The following CALCOCO2 variants were observed in gnomAD, a reference collection of about 807,000 sequenced individuals.
CALCOCO2 encodes calcium-binding and coiled-coil domain-containing protein 2.
A neutral mutation model predicts 62.5 loss-of-function variants in CALCOCO2; 42 were observed. That is an observed-to-expected ratio of 0.67 (90% CI 0.53 to 0.87). CALCOCO2 has a LOEUF of 0.87. CALCOCO2 is among the 40% of genes least tolerant of loss of function. The pLI is 0.00. For missense variants in CALCOCO2, 456 were observed against 515.0 expected, an observed-to-expected ratio of 0.89 and a Z score of 1.11; for synonymous variants, 167 against 173.0, an observed-to-expected ratio of 0.97 and a Z score of 0.27.
rs11408920 is a variant in CALCOCO2 at position 48,835,041 on chromosome 17, G to GCC, written c.-11+3969_-11+3970dup. 1.1e-3 allele frequency among the ~76,000 whole-genome samples: 168 copies of GCC among 151,590 alleles called. 2 individuals are homozygous for GCC. Among genetic ancestry groups the GCC allele is most frequent in the East Asian group, 3.9e-3 (20 of 5,138 alleles). On this transcript the variant is annotated intron_variant, in intron 1 of 12. Coordinates refer to ENST00000258947, the MANE Select transcript of CALCOCO2 (RefSeq NM_005831.5). ...AGCCTGGGTGACAGAGTGAGACCCTGCCCCCCCGCAAAAAAAATAATTCTC... is the reference window on the plus strand; with the variant it reads ...AGCCTGGGTGACAGAGTGAGACCCTGCCCCCCCCCGCAAAAAAAATAATTCTC...
chr17:48,835,208 C>T (rs181475336), intron 1 of CALCOCO2, among the ~76,000 whole-genome samples: 1 of 152,292 alleles, frequency 6.6e-6, no homozygotes, highest in African/African-American at 2.4e-5. Flanking sequence ...AGATTACTGA[C>T]CTGAAAACTC....
chr17:48,834,106 C>CAAA (rs59633969), intron 1 of CALCOCO2, among the ~76,000 whole-genome samples: 23 of 69,782 alleles, frequency 3.3e-4, no homozygotes, highest in Non-Finnish European at 4.7e-4. Context: ...GACCCTATGT[C>CAAA]AAAAAAAAAA....
At chr17:48,853,505 G>A (rs1024162111) in intron 9 of CALCOCO2, among the ~76,000 whole-genome samples, 2 of 152,176 alleles carry the variant, frequency 1.3e-5, no homozygotes, top group African/African-American at 4.8e-5. Context: ...GCGTTGACAG[G>A]TGCCTGGAAG....
rs764157879 is a variant in CALCOCO2 at position 48,852,942 on chromosome 17, A to G, written c.842A>G (p.Lys281Arg). The G allele has an allele frequency of 2.2e-5, 35 of 1,613,286 alleles. No individual in the cohort carries two copies. The highest frequency in any genetic ancestry group is 3.0e-5 in the Non-Finnish European group (35 of 1,179,222). The part of the protein sequence containing the change: ...SLTEQRKDQK[K>R]LEQTVEQMKQ... Reference sequence around the variant, plus strand: ...TTTGTGCAGAGGAAGGACCAGAAGAAGCTCGAGCAGACAGTGGAGCAAATG... The same window carrying G: ...TTTGTGCAGAGGAAGGACCAGAAGAGGCTCGAGCAGACAGTGGAGCAAATG... The change falls in exon 9 of 13, where the codon AAG becomes AGG. Residue 281 changes from lysine to arginine, a missense_variant. Transcript: ENST00000258947.
In CALCOCO2 at chr17:48,861,800, C is replaced by T. The variant is rs553749479; in HGVS notation, c.1145-476C>T. Among the ~76,000 whole-genome samples, 3 of 151,642 alleles carry T rather than the reference C, an allele frequency of 2.0e-5. No individual in the cohort carries two copies. In the East Asian group the frequency reaches 5.8e-4, roughly 29 times the overall value. ...TCGTGGCTCACTCCTGTAATCCCAGCACTTTGAGAGGCCGAGGCAGGCGGA... is the reference window on the plus strand; with the variant it reads ...TCGTGGCTCACTCCTGTAATCCCAGTACTTTGAGAGGCCGAGGCAGGCGGA... On this transcript the variant is annotated intron_variant, in intron 11 of 12. Coordinates refer to ENST00000258947, the MANE Select transcript of CALCOCO2 (RefSeq NM_005831.5).
intron 2 of CALCOCO2, among the ~76,000 whole-genome samples, chr17:48,847,206 C>T (rs577762184): frequency 1.3e-5 from 2 of 152,114 alleles, no homozygotes; most frequent in East Asian, 3.9e-4. Flanking sequence ...TCTCCCTCTG[C>T]CCCCAACACA....
At chr17:48,852,676 A>G in intron 8 of CALCOCO2, 48 bp downstream of exon 8, 2 of 1,564,992 alleles carry the variant, frequency 1.3e-6, no homozygotes, top group East Asian at 2.2e-5. Context: ...GCAAGAAAAT[A>G]TACGTTGTTC....
At chr17:48,858,017 T>TAGAAG (rs1463371527) in intron 10 of CALCOCO2, among the ~76,000 whole-genome samples, 3 of 15,566 alleles carry the variant, frequency 1.9e-4, no homozygotes, top group Non-Finnish European at 4.1e-4. Context: ...TAGAATAGAA[T>TAGAAG]AGAATAGAAT....
Position 48,862,985 on chromosome 17 carries a change from G to A in CALCOCO2, c.1321G>A (p.Val441Met), listed in dbSNP as rs781069382. ...ATEKQIFEDH[V>M]FCHSL ...AGAGAAGCAGATCTTTGAAGACCAC[G>A]TGTTCTGCCACTCTCTCTGAGTATC... The change falls in exon 13 of 13, where the codon GTG becomes ATG. Residue 441 changes from valine (V) to methionine (M), a missense_variant. Coordinates refer to ENST00000258947, the MANE Select transcript of CALCOCO2 (RefSeq NM_005831.5). The A allele has an allele frequency of 4.3e-6, 7 of 1,613,070 alleles. No individual in the cohort carries two copies. The highest frequency in any genetic ancestry group is 1.1e-5 in the South Asian group (1 of 91,072).
chr17:48,861,659 G>GTATA (rs367595425), intron 11 of CALCOCO2, among the ~76,000 whole-genome samples: 39,560 of 134,878 alleles, frequency 0.29, 6,272 homozygotes, highest in Admixed American at 0.41. Flanking sequence ...ATATGTGTGT[G>GTATA]TGTATATATA....
intron 1 of CALCOCO2, chr17:48,831,646 C>A (rs1046324719): frequency 6.6e-6 from 1 of 152,252 alleles, no homozygotes; most frequent in Non-Finnish European, 1.5e-5. Context: ...CGTGACCTGC[C>A]TCTACAGTTA....
At chr17:48,848,283 A>G in intron 3 of CALCOCO2, 39 bp from the exon 4 acceptor site, 1 of 1,603,242 alleles carries the variant, frequency 6.2e-7, no homozygotes, top group African/African-American at 1.3e-5. Context: ...TTTTCTGAAT[A>G]GATCTTATTT....
At position 48,849,271 on chromosome 17, in the gene CALCOCO2, A is replaced by C; in HGVS notation, c.437A>C (p.Glu146Ala). The part of the protein sequence containing the change: ...VTTQGEVEEI[E>A]QHNKELCKEN... ...TTGTAGGGAGAGGTGGAAGAGATTG[A>C]GCAGCACAACAAGGAGCTTTGCAAA... Residue 146 changes from glutamate (E) to alanine (A), a missense_variant, in exon 5 of 13, where the codon GAG becomes GCG. Coordinates refer to ENST00000258947, the MANE Select transcript of CALCOCO2 (RefSeq NM_005831.5). 1 of 1,613,782 alleles carries C rather than the reference A, an allele frequency of 6.2e-7. No homozygotes were observed. The highest frequency in any genetic ancestry group is 8.5e-7 in the Non-Finnish European group (1 of 1,179,736).
intron 1 of CALCOCO2, among the ~76,000 whole-genome samples, chr17:48,833,201 G>A (rs953761794): frequency 1.2e-4 from 18 of 152,184 alleles, no homozygotes; most frequent in African/African-American, 4.3e-4. Flanking sequence ...GCCATAGCCA[G>A]GGAGAAACGG....
At chr17:48,837,382 T>C (rs1057439775) in intron 1 of CALCOCO2, among the ~76,000 whole-genome samples, 1 of 151,954 alleles carries the variant, frequency 6.6e-6, no homozygotes, top group Non-Finnish European at 1.5e-5. Flanking sequence ...TGGTGGCTCA[T>C]GCCTGTAATC....
At position 48,856,167 on chromosome 17, in the gene CALCOCO2, A is replaced by G. The variant is rs769766376; in HGVS notation, c.988A>G (p.Arg330Gly). The G allele has an allele frequency of 6.3e-7, 1 of 1,595,124 alleles. No homozygotes were observed. The highest frequency in any genetic ancestry group is 8.6e-7 in the Non-Finnish European group (1 of 1,163,796). ...ICNALQRQKE[R>G]LEGENDLLKR... ...TAATGCTCTGCAGAGACAGAAAGAG[A>G]GATTGGAAGGAGAAAATGATGTAAG... is the stretch of plus-strand genomic sequence containing the variant. The change falls in exon 10 of 13, where the codon AGA becomes GGA. Residue 330 changes from arginine to glycine, a missense_variant. Transcript: ENST00000258947.
At chr17:48,840,728 C>T (rs143345114) in intron 1 of CALCOCO2, among the ~76,000 whole-genome samples, 252 of 152,138 alleles carry the variant, frequency 1.7e-3, no homozygotes, top group African/African-American at 5.8e-3. Flanking sequence ...GTTTTGAACC[C>T]GAGAGCATTT....
Position 48,865,218 on chromosome 17 carries a change from C to A in CALCOCO2, c.*2213C>A. 1 of 152,246 alleles carries A rather than the reference C, an allele frequency of 6.6e-6. No individual in the cohort carries two copies. Among genetic ancestry groups the A allele is most frequent in the Non-Finnish European group, 1.5e-5 (1 of 68,026 alleles). 9.4% of individuals were successfully genotyped at this position (152,246 alleles called of 1,614,324 possible). On this transcript the variant is annotated 3_prime_UTR_variant, in exon 13 of 13. Transcript: ENST00000258947. ...CAAGGCTTTGAAGGGGGAAATTATG[C>A]TCTAGGCAGCCACTAGTAGTAAACA...
At chr17:48,859,390 G>A (rs761200850) in intron 10 of CALCOCO2, among the ~76,000 whole-genome samples, 15 of 152,026 alleles carry the variant, frequency 9.9e-5, no homozygotes, top group Non-Finnish European at 1.9e-4. Context: ...CTTGAAGCCA[G>A]GAGTTTGAAA....
Sources: allele counts gnomAD v4.1 joint callset (sites outside exome capture counted in the v4.1 genomes callset), GRCh38; gene constraint gnomAD v4.1.1; transcripts MANE v1.5; gene names NCBI Gene and HGNC (gene_info 2026-07-23, HGNC 2026-07-21).